Variants in PCDH7 observed in about 807,000 individuals in gnomAD.
The protein encoded by PCDH7 is protocadherin-7.
A neutral mutation model predicts 58.9 loss-of-function variants in PCDH7; 17 were observed. The ratio of observed to expected loss-of-function variants is 0.29; its 90% CI spans 0.20 to 0.43. PCDH7 has a LOEUF of 0.43. PCDH7 is among the 20% of genes least tolerant of loss of function. The probability of loss-of-function intolerance (pLI) is 1.00; values close to 1 mark genes in which losing one functional copy is unlikely to be tolerated. For synonymous variants in PCDH7, 664 were observed against 616.4 expected, an observed-to-expected ratio of 1.08 and a Z score of -1.14; for missense variants, 1,274 against 1,441.0, an observed-to-expected ratio of 0.88 and a Z score of 1.88.
chr4:30,821,356 C>A (rs973057389), intron 1 of PCDH7, among the ~76,000 whole-genome samples: 4 of 152,188 alleles, frequency 2.6e-5, no homozygotes, highest in African/African-American at 9.7e-5. Context: ...TCCAGAAGAA[C>A]CAACATCATG....
chr4:30,825,620 A>C (rs1441317748), intron 1 of PCDH7, among the ~76,000 whole-genome samples: 2 of 152,160 alleles, frequency 1.3e-5, no homozygotes, highest in African/African-American at 4.8e-5. Context: ...GGTCCTAAGT[A>C]GTTTCCTTTC....
At chr4:31,143,634 T>A (rs950454168), downstream of PCDH7, 2 of 152,142 alleles carry the variant, frequency 1.3e-5, no homozygotes, top group Non-Finnish European at 2.9e-5. Context: ...TTATATATAT[T>A]TTTTCAGAAC....
intron 2 of PCDH7, among the ~76,000 whole-genome samples, chr4:30,928,421 T>C (rs1036985915): frequency 3.9e-5 from 6 of 152,176 alleles, no homozygotes; most frequent in African/African-American, 1.2e-4. Context: ...AATTATATAG[T>C]GTCAAAGCTG....
chr4:30,924,269 T>C (rs1248096141), intron 2 of PCDH7, among the ~76,000 whole-genome samples: 1 of 152,204 alleles, frequency 6.6e-6, no homozygotes, highest in Non-Finnish European at 1.5e-5. Flanking sequence ...ACACCTTGCT[T>C]GGCTTCTCAT....
chr4:30,851,249 G>T (rs1732700274), intron 1 of PCDH7, among the ~76,000 whole-genome samples: 2 of 151,500 alleles, frequency 1.3e-5, no homozygotes, highest in Admixed American at 6.6e-5. Context: ...TTTCATTTTT[G>T]GTATAATGAG....
intron 1 of PCDH7, among the ~76,000 whole-genome samples, chr4:30,857,560 A>C (rs1733634185): frequency 6.6e-6 from 1 of 152,028 alleles, no homozygotes; most frequent in African/African-American, 2.4e-5. Flanking sequence ...TGTTCTGAGG[A>C]TCTTAGTTCT....
intron 3 of PCDH7, among the ~76,000 whole-genome samples, chr4:31,007,347 G>T (rs575848055): frequency 6.6e-5 from 10 of 152,310 alleles, no homozygotes; most frequent in African/African-American, 1.4e-4. Context: ...CAAGAGTATT[G>T]AAGTGGCTGA....
chr4:31,069,063 G>T (rs934328351), intron 3 of PCDH7, among the ~76,000 whole-genome samples: 3 of 151,980 alleles, frequency 2.0e-5, no homozygotes, highest in African/African-American at 7.2e-5. Flanking sequence ...GTGTGTGTGT[G>T]TATTTACACA....
intron 3 of PCDH7, among the ~76,000 whole-genome samples, chr4:31,066,912 G>T (rs1432317912): frequency 1.3e-5 from 2 of 151,750 alleles, no homozygotes; most frequent in Non-Finnish European, 2.9e-5. Flanking sequence ...AAAGAAAATT[G>T]CCTAAAGACA....
At chr4:30,761,871 G>T (rs545539473) in intron 1 of PCDH7, among the ~76,000 whole-genome samples, 1 of 152,086 alleles carries the variant, frequency 6.6e-6, no homozygotes, top group African/African-American at 2.4e-5. Context: ...TTTAGATGTC[G>T]ATTTGCTCAA....
intron 3 of PCDH7, among the ~76,000 whole-genome samples, chr4:31,065,711 T>C (rs1347923785): frequency 1.3e-5 from 2 of 151,970 alleles, no homozygotes; most frequent in Non-Finnish European, 2.9e-5. Context: ...TATGTTTTTG[T>C]GCTTTAGTTT....
intron 1 of PCDH7, among the ~76,000 whole-genome samples, chr4:30,845,964 A>G (rs914740187): frequency 6.6e-6 from 1 of 152,144 alleles, no homozygotes; most frequent in Admixed American, 6.6e-5. Context: ...GTGCTTAAGA[A>G]ATTTTGAATT....
chr4:30,878,921 T>C (rs966452392), intron 1 of PCDH7, among the ~76,000 whole-genome samples: 1 of 152,176 alleles, frequency 6.6e-6, no homozygotes, highest in Non-Finnish European at 1.5e-5. Context: ...TGTTTTCTTT[T>C]CGTTGTTGTT....
chr4:31,070,267 G>C (rs1303888581), intron 3 of PCDH7, among the ~76,000 whole-genome samples: 1 of 151,858 alleles, frequency 6.6e-6, no homozygotes, highest in African/African-American at 2.4e-5. Flanking sequence ...AAATACACAG[G>C]CTCATTCAAC....
chr4:30,745,934 G>A (rs1016515802), intron 1 of PCDH7, among the ~76,000 whole-genome samples: 46 of 152,218 alleles, frequency 3.0e-4, no homozygotes, highest in African/African-American at 1.1e-3. Context: ...CTGCCTCCCA[G>A]GTTCAAGTGA....
intron 3 of PCDH7, among the ~76,000 whole-genome samples, chr4:31,022,114 C>T (rs2109170865): frequency 6.6e-6 from 1 of 152,200 alleles, no homozygotes; most frequent in African/African-American, 2.4e-5. Flanking sequence ...ACTGCAAAGG[C>T]TTCTTAATAG....
chr4:30,942,578 T>C (rs1420485636), intron 2 of PCDH7, among the ~76,000 whole-genome samples: 1 of 152,028 alleles, frequency 6.6e-6, no homozygotes, highest in African/African-American at 2.4e-5. Flanking sequence ...GGCATGATGA[T>C]GGTGCATTCC....
At chr4:31,053,395 T>C (rs1287635250) in intron 3 of PCDH7, among the ~76,000 whole-genome samples, 1 of 152,070 alleles carries the variant, frequency 6.6e-6, no homozygotes. Context: ...TTATGATACA[T>C]CATCCTTCCA....
chr4:30,863,889 T>A (rs1332664978), intron 1 of PCDH7, among the ~76,000 whole-genome samples: 2 of 152,260 alleles, frequency 1.3e-5, no homozygotes, highest in African/African-American at 2.4e-5. Context: ...GAAGCATACA[T>A]CTGCTGTCAG....
Sources: allele counts gnomAD v4.1 joint callset (sites outside exome capture counted in the v4.1 genomes callset), GRCh38; gene constraint gnomAD v4.1.1; transcripts MANE v1.5; gene names NCBI Gene and HGNC (gene_info 2026-07-23, HGNC 2026-07-21).